The following DCLRE1C variants were observed in gnomAD, a reference collection of about 807,000 sequenced individuals.
DCLRE1C encodes the protein protein artemis.
A neutral mutation model predicts 61.4 loss-of-function variants in DCLRE1C; 47 were observed. The ratio of observed to expected loss-of-function variants is 0.77; its 90% CI spans 0.61 to 0.98. The LOEUF (loss-of-function observed/expected upper bound fraction) is 0.98, where lower values mean the gene tolerates loss of function less well. DCLRE1C is among the 50% of genes least tolerant of loss of function. The pLI is 0.00. For missense variants in DCLRE1C, 858 were observed against 816.0 expected (o/e 1.05, Z -0.63); for synonymous variants, 337 against 287.6 (o/e 1.17, Z -1.74).
chr10:14,913,092 A>G (rs1046169783), intron 13 of DCLRE1C, among the ~76,000 whole-genome samples: 11 of 152,108 alleles, frequency 7.2e-5, no homozygotes, highest in African/African-American at 2.7e-4. Flanking sequence ...CTCTGACCTC[A>G]TGATCCACCT....
chr10:14,934,499 A>G lies in DCLRE1C; in HGVS notation c.559T>C (p.Leu187=). The change falls in exon 8 of 14, where the codon TTA becomes CTA. Residue 187 remains leucine, a synonymous_variant. Coordinates refer to ENST00000378278, the MANE Select transcript of DCLRE1C (RefSeq NM_001033855.3). ...GTGATCCAGCTTCGGACCAGCTCTA[A>G]GACTCCACTTAAACACTCCTCCTAG... ...PSREECLSGV[L]ELVRSWITRS... 6 of 1,614,206 alleles carry G rather than the reference A, an allele frequency of 3.7e-6. No homozygotes were observed. Among genetic ancestry groups the G allele is most frequent in the Non-Finnish European group, 4.2e-6 (5 of 1,180,028 alleles).
chr10:14,918,666 G>A (rs41300646), intron 13 of DCLRE1C, among the ~76,000 whole-genome samples: 2 of 150,188 alleles, frequency 1.3e-5, no homozygotes. Flanking sequence ...TAGTAAATTT[G>A]TAAGGATTAG....
intron 3 of DCLRE1C, among the ~76,000 whole-genome samples, chr10:14,943,110 G>C (rs1841132199): frequency 6.6e-6 from 1 of 152,038 alleles, no homozygotes. Context: ...CTGTGACAGA[G>C]TGAGACTATC....
intron 10 of DCLRE1C, 130 bp from the exon 11 acceptor site, chr10:14,927,027 C>T (rs1838118376): frequency 1.1e-5 from 8 of 736,862 alleles, no homozygotes; most frequent in East Asian, 2.8e-5. Context: ...CAGCAAGTGT[C>T]GAAATCACCC....
At chr10:14,941,098 G>A (rs1200593190) in intron 3 of DCLRE1C, among the ~76,000 whole-genome samples, 3 of 152,124 alleles carry the variant, frequency 2.0e-5, no homozygotes, top group Admixed American at 1.3e-4. Flanking sequence ...GACTGGTCTC[G>A]AACTCCTGAC....
intron 3 of DCLRE1C, among the ~76,000 whole-genome samples, chr10:14,940,346 T>C (rs193188617): frequency 5.4e-3 from 808 of 149,536 alleles, no homozygotes; most frequent in African/African-American, 0.019. Flanking sequence ...TGGAGCGCAG[T>C]GGTGTGGTAT....
chr10:14,949,110 T>G (rs761830643), intron 1 of DCLRE1C, 23 bp from the exon 2 acceptor site: 2 of 1,549,492 alleles, frequency 1.3e-6, no homozygotes, highest in African/African-American at 2.7e-5. Context: ...GAACAAAAAC[T>G]CATGAATATG....
rs138823368 is a variant in DCLRE1C, at chr10:14,951,511, T to C, written c.109+2391A>G. Among the ~76,000 whole-genome samples, 149 of 147,206 alleles carry C rather than the reference T, an allele frequency of 1.0e-3. 1 individual carries two copies. Among genetic ancestry groups the C allele is most frequent in the Admixed American group, 7.5e-3 (109 of 14,554 alleles). On this transcript the variant is annotated intron_variant, in intron 1 of 13. Transcript: ENST00000378278. The stretch of plus-strand genomic sequence containing the variant: ...TTTGAGCTGCTATCACAAGATACCA[T>C]AGATACCATAGTTGGCCTTCACACC...
At chr10:14,933,054 A>C (rs561034546) in intron 8 of DCLRE1C, 99 bp from the exon 9 acceptor site, 40 of 1,317,724 alleles carry the variant, frequency 3.0e-5, no homozygotes, top group Middle Eastern at 2.4e-4. Context: ...TTAGTGAATT[A>C]ACCCTCTCTT....
chr10:14,929,072 G>A (rs1838523989), intron 9 of DCLRE1C, among the ~76,000 whole-genome samples: 1 of 152,148 alleles, frequency 6.6e-6, no homozygotes, highest in Non-Finnish European at 1.5e-5. Context: ...GAGCCACTGG[G>A]CCCAGACCCT....
At chr10:14,953,814 G>T in intron 1 of DCLRE1C, 88 bp downstream of exon 1, 2 of 1,578,432 alleles carry the variant, frequency 1.3e-6, no homozygotes, top group Non-Finnish European at 1.7e-6. Context: ...CCCACAGGCT[G>T]CAGCTCCTTG....
chr10:14,919,050 G>A (rs550367794), intron 13 of DCLRE1C, among the ~76,000 whole-genome samples: 9 of 151,996 alleles, frequency 5.9e-5, no homozygotes, highest in Non-Finnish European at 5.9e-5. Context: ...CCATTAATAG[G>A]TGTTCAAAAA....
chr10:14,938,926 A>G (rs527747745), intron 4 of DCLRE1C, among the ~76,000 whole-genome samples: 4 of 152,230 alleles, frequency 2.6e-5, no homozygotes, highest in Non-Finnish European at 4.4e-5. Flanking sequence ...GGAAATAAAT[A>G]CATCACTGTT....
intron 11 of DCLRE1C, among the ~76,000 whole-genome samples, chr10:14,924,226 A>C (rs1837586902): frequency 6.6e-6 from 1 of 152,246 alleles, no homozygotes; most frequent in South Asian, 2.1e-4. Context: ...GAAGTGTCCC[A>C]TTCTTATGTG....
In DCLRE1C at chr10:14,928,001, A is replaced by C. The variant is rs942134711; in HGVS notation, c.917+15T>G. The C allele has an allele frequency of 6.2e-7, 1 of 1,613,438 alleles. No individual in the cohort carries two copies. ...CAAAGTTTCTCTCAGAAGACCTATG[A>C]TATTGCTCTCTTACCTCACAATTAC... On this transcript the variant is annotated intron_variant, in intron 10 of 13. Transcript: ENST00000378278.
At chr10:14,912,826 T>C (rs12358480) in intron 13 of DCLRE1C, among the ~76,000 whole-genome samples, 18,468 of 150,844 alleles carry the variant, frequency 0.12, 1,235 homozygotes, top group Admixed American at 0.15. Context: ...GGACTACAGG[T>C]GCCCGCCACC....
chr10:14,909,253 G>GAA lies in DCLRE1C; in HGVS notation c.1232_1233dup (p.His412PhefsTer8). 6.2e-7 allele frequency: 1 copy of GAA among 1,613,722 alleles called. No homozygotes were observed. The highest frequency in any genetic ancestry group is 8.5e-7 in the Non-Finnish European group (1 of 1,179,900). The stretch of plus-strand genomic sequence containing the variant: ...GCAGTCATTGAAAATACCTCAGGGT[G>GAA]AAAAGTTTCCGGGTATGGAACTTTG... On this transcript the variant is annotated frameshift_variant, in exon 14 of 14. Transcript: ENST00000378278. LOFTEE classifies it low-confidence loss of function (END_TRUNC).
At chr10:14,953,574 C>T (rs906665321) in intron 1 of DCLRE1C, among the ~76,000 whole-genome samples, 1 of 152,058 alleles carries the variant, frequency 6.6e-6, no homozygotes, top group Admixed American at 6.6e-5. Flanking sequence ...TTTCTTCATA[C>T]ATGGTAGCGA....
intron 6 of DCLRE1C, 137 bp downstream of exon 6, chr10:14,935,326 C>T (rs1032614587): frequency 3.9e-5 from 35 of 899,282 alleles, no homozygotes; most frequent in Non-Finnish European, 5.5e-5. Context: ...ATTAGCTGGG[C>T]GTGGTGGCAC....
Sources: gnomAD v4.1 joint callset for allele counts (sites outside exome capture counted in the v4.1 genomes callset) on GRCh38, gnomAD v4.1.1 for gene constraint, MANE v1.5 for transcripts, NCBI Gene and HGNC (gene_info 2026-07-23, HGNC 2026-07-21) for gene names.